Variants in ATOSA observed in about 807,000 individuals in gnomAD.
ATOSA encodes atos homolog A, also known as atos homolog protein A.
At chr15:52,704,700 A>G in the ATOSA span, among the ~76,000 whole-genome samples, 1 of 152,364 alleles carries the variant, frequency 6.6e-6, no homozygotes. Flanking sequence ...GGCAAAAGAT[A>G]TGAACAGACA....
chr15:52,596,473 C>T, the ATOSA span, among the ~76,000 whole-genome samples: 1 of 152,184 alleles, frequency 6.6e-6, no homozygotes, highest in African/African-American at 2.4e-5. Flanking sequence ...CACCTCCTAT[C>T]ATGTAAAAAT....
the ATOSA span, among the ~76,000 whole-genome samples, chr15:52,693,875 C>T: frequency 1.4e-4 from 22 of 152,176 alleles, no homozygotes; most frequent in African/African-American, 5.3e-4. Flanking sequence ...AGCCTTGCCT[C>T]TCATACTTAT....
the ATOSA span, among the ~76,000 whole-genome samples, chr15:52,650,654 GAAC>G: frequency 1.3e-5 from 2 of 152,000 alleles, no homozygotes; most frequent in East Asian, 1.9e-4. Context: ...TTTTTGAAAA[GAAC>G]AACAACAAAA....
chr15:52,708,546 G>A, the ATOSA span, among the ~76,000 whole-genome samples: 1 of 152,078 alleles, frequency 6.6e-6, no homozygotes, highest in African/African-American at 2.4e-5. Context: ...CTATTGCCTT[G>A]TTTTTCAATC....
the ATOSA span, among the ~76,000 whole-genome samples, chr15:52,670,579 C>T: frequency 3.9e-5 from 6 of 152,116 alleles, no homozygotes; most frequent in African/African-American, 9.7e-5. Context: ...CAACAGTCCT[C>T]GAAAAATGTA....
At chr15:52,582,244 T>C in the ATOSA span, 135 of 1,603,100 alleles carry the variant, frequency 8.4e-5, no homozygotes, top group Non-Finnish European at 1.1e-4. Context: ...CCATTGACTT[T>C]CTAGAGAACA....
chr15:52,629,663 C>A, the ATOSA span: 1 of 411,334 alleles, frequency 2.4e-6, no homozygotes, highest in Non-Finnish European at 4.9e-6. Flanking sequence ...TTATCTGGGC[C>A]TGATGGCGGG....
chr15:52,661,905 G>A, the ATOSA span, among the ~76,000 whole-genome samples: 1 of 107,400 alleles, frequency 9.3e-6, no homozygotes, highest in Non-Finnish European at 1.7e-5. Flanking sequence ...AAGGAGTTAT[G>A]CCAGCAGAAA....
chr15:52,594,634 C>T, the ATOSA span, among the ~76,000 whole-genome samples: 4 of 152,088 alleles, frequency 2.6e-5, no homozygotes, highest in African/African-American at 9.7e-5. Flanking sequence ...CACAATCAAC[C>T]TTCTATATCT....
At chr15:52,650,350 T>A in the ATOSA span, among the ~76,000 whole-genome samples, 2 of 152,190 alleles carry the variant, frequency 1.3e-5, no homozygotes, top group Non-Finnish European at 2.9e-5. Flanking sequence ...TCTATCAAAT[T>A]CAAGTTTTTG....
chr15:52,585,025 C>G, the ATOSA span: 1 of 1,240,376 alleles, frequency 8.1e-7, no homozygotes, highest in Admixed American at 2.4e-5. Flanking sequence ...AATAATCAAA[C>G]AAGATTTTAA....
At chr15:52,625,852 T>C in the ATOSA span, among the ~76,000 whole-genome samples, 5 of 152,222 alleles carry the variant, frequency 3.3e-5, no homozygotes. Context: ...TGAAGCAGCA[T>C]AGAGCAGTAG....
At chr15:52,602,519 G>A in the ATOSA span, among the ~76,000 whole-genome samples, 1 of 151,990 alleles carries the variant, frequency 6.6e-6, no homozygotes, top group Non-Finnish European at 1.5e-5. Flanking sequence ...GGTTATAGAT[G>A]TGGGATAGTT....
the ATOSA span, among the ~76,000 whole-genome samples, chr15:52,698,040 G>A: frequency 7.5e-6 from 1 of 133,818 alleles, no homozygotes; most frequent in African/African-American, 2.8e-5. Flanking sequence ...GCTGTGGCAA[G>A]GTCTCGGCTT....
the ATOSA span, among the ~76,000 whole-genome samples, chr15:52,637,724 A>C: frequency 6.6e-6 from 1 of 152,224 alleles, no homozygotes; most frequent in African/African-American, 2.4e-5. Context: ...CCAAACTCTT[A>C]CATTTTTTAA....
chr15:52,688,051 C>G, the ATOSA span, among the ~76,000 whole-genome samples: 1 of 152,238 alleles, frequency 6.6e-6, no homozygotes, highest in South Asian at 2.1e-4. Context: ...CTGATTCACA[C>G]ATCAACCCAA....
At chr15:52,587,292 C>T in the ATOSA span, 2 of 1,238,878 alleles carry the variant, frequency 1.6e-6, no homozygotes, top group East Asian at 4.8e-5. Context: ...AAGAATAACT[C>T]ATGTAATTTA....
At chr15:52,611,583 A>T in the ATOSA span, 1 of 1,614,012 alleles carries the variant, frequency 6.2e-7, no homozygotes. Flanking sequence ...ACTGTCGAGG[A>T]ACTGGCTCCA....
At chr15:52,707,694 T>A in the ATOSA span, among the ~76,000 whole-genome samples, 2 of 152,290 alleles carry the variant, frequency 1.3e-5, no homozygotes, top group South Asian at 4.1e-4. Context: ...TGAAAGAATA[T>A]CCTTGGTCTT....
Sources: gnomAD v4.1 joint callset for allele counts (sites outside exome capture counted in the v4.1 genomes callset) on GRCh38, gnomAD v4.1.1 for gene constraint, MANE v1.5 for transcripts, NCBI Gene and HGNC (gene_info 2026-07-23, HGNC 2026-07-21) for gene names.